CARMIL1: variants seen among roughly 807,000 people sequenced by gnomAD.
The protein encoded by CARMIL1 is F-actin-uncapping protein LRRC16A.
A neutral mutation model predicts 177.1 loss-of-function variants in CARMIL1; 90 were observed. The ratio of observed to expected loss-of-function variants is 0.51; its 90% CI spans 0.43 to 0.61. CARMIL1 has a LOEUF of 0.61. Among genes scored for constraint, CARMIL1 ranks in the 20% least tolerant of loss-of-function variants. The pLI is 0.00. For synonymous variants in CARMIL1, 577 were observed against 606.2 expected (o/e 0.95, Z 0.71); for missense variants, 1,380 against 1,667.0 (o/e 0.83, Z 3.00).
chr6:25,455,707 C>T (rs887112741), intron 8 of CARMIL1, among the ~76,000 whole-genome samples: 11 of 152,292 alleles, frequency 7.2e-5, no homozygotes, highest in African/African-American at 2.6e-4. Flanking sequence ...TTAGTTTACT[C>T]ATCCAGGTCA....
intron 29 of CARMIL1, among the ~76,000 whole-genome samples, chr6:25,557,122 A>C (rs1810694275): frequency 6.6e-6 from 1 of 152,192 alleles, no homozygotes; most frequent in African/African-American, 2.4e-5. Context: ...TTGTGACAGG[A>C]AAATATCTTC....
At chr6:25,443,414 G>A (rs1797944593) in intron 5 of CARMIL1, among the ~76,000 whole-genome samples, 1 of 152,050 alleles carries the variant, frequency 6.6e-6, no homozygotes, top group Non-Finnish European at 1.5e-5. Flanking sequence ...GGTTCCTTTG[G>A]GTAAAATAGA....
In CARMIL1 at chr6:25,493,607, C is replaced by T. The variant is rs77415835; in HGVS notation, c.1221-1504C>T. ...TATAGCAGAGAAAAAGAGATCATGG[C>T]GGTGCACATACTGGCTCCCAAGGCT... On this transcript the variant is annotated intron_variant, in intron 15 of 36. Transcript: ENST00000329474. 4.9e-3 allele frequency among the ~76,000 whole-genome samples: 752 copies of T among 152,224 alleles called. 5 individuals are homozygous for T. The highest frequency in any genetic ancestry group is 0.015 in the African/African-American group (619 of 41,534).
rs150708073 is a variant in CARMIL1, at chr6:25,547,477, A to T, written c.2329-3433A>T. ...AAAAACAGATCCAATAAATAGACCCATACATATATTCAAATGTTAGAAATG... is the reference window on the plus strand; with the variant it reads ...AAAAACAGATCCAATAAATAGACCCTTACATATATTCAAATGTTAGAAATG... On this transcript the variant is annotated intron_variant, in intron 26 of 36. Transcript: ENST00000329474. 4.9e-3 allele frequency among the ~76,000 whole-genome samples: 743 copies of T among 152,328 alleles called. 3 individuals are homozygous for T. Among genetic ancestry groups the T allele is most frequent in the African/African-American group, 0.015 (636 of 41,576 alleles).
rs558927341 is a variant in CARMIL1 at position 25,369,595 on chromosome 6, T to A, written c.139-50519T>A. Among the ~76,000 whole-genome samples, 7 of 152,166 alleles carry A rather than the reference T, an allele frequency of 4.6e-5. No homozygotes were observed. In the South Asian group the frequency reaches 8.3e-4, roughly 18 times the overall value. On this transcript the variant is annotated intron_variant, in intron 2 of 36. Transcript: ENST00000329474. The stretch of plus-strand genomic sequence containing the variant: ...CTTGCTATGTATCGAGGTGGCAAAT[T>A]CCCAAGTAAACTGCTGACTTTCCTC...
At chr6:25,457,090 C>T (rs374956100) in intron 8 of CARMIL1, among the ~76,000 whole-genome samples, 12 of 151,650 alleles carry the variant, frequency 7.9e-5, no homozygotes, top group African/African-American at 2.7e-4. Context: ...CTGAATTTCT[C>T]GAAATAGTTC....
chr6:25,457,727 G>A (rs999591017), intron 8 of CARMIL1, among the ~76,000 whole-genome samples: 1 of 152,322 alleles, frequency 6.6e-6, no homozygotes, highest in South Asian at 2.1e-4. Context: ...TGGCAGGGCT[G>A]TGCATTCTTG....
chr6:25,486,504 G>A lies in CARMIL1; in HGVS notation c.962-1978G>A, dbSNP rs143825137. On this transcript the variant is annotated intron_variant, in intron 12 of 36. Coordinates refer to ENST00000329474, the MANE Select transcript of CARMIL1 (RefSeq NM_017640.6). The stretch of plus-strand genomic sequence containing the variant: ...AAATGATTTTACAAATGATTTTCTT[G>A]ATGAGAATCTGGTATTGGCCCTATG... Among the ~76,000 whole-genome samples the A allele has an allele frequency of 2.9e-3, 435 of 152,268 alleles. 3 individuals are homozygous for A. The highest frequency in any genetic ancestry group is 0.017 in the Middle Eastern group (5 of 294).
At chr6:25,490,729 A>G (rs1389283187) in intron 13 of CARMIL1, among the ~76,000 whole-genome samples, 1 of 130,326 alleles carries the variant, frequency 7.7e-6, no homozygotes, top group African/African-American at 3.2e-5. Context: ...AAATAAATAA[A>G]TAAATAAATA....
chr6:25,547,475 C>T (rs1447474388), intron 26 of CARMIL1, among the ~76,000 whole-genome samples: 4 of 151,990 alleles, frequency 2.6e-5, no homozygotes, highest in Admixed American at 6.6e-5. Flanking sequence ...ATAAATAGAC[C>T]CATACATATA....
chr6:25,348,107 G>T lies in CARMIL1; in HGVS notation c.138+63198G>T, dbSNP rs183034820. The stretch of plus-strand genomic sequence containing the variant: ...CTACTGCAGATTTCTAGTTACAAAA[G>T]ATCATCAAACTTCTATACAAACACT... On this transcript the variant is annotated intron_variant, in intron 2 of 36. Transcript: ENST00000329474. Among the ~76,000 whole-genome samples the T allele has an allele frequency of 2.6e-3, 390 of 152,230 alleles. 2 individuals are homozygous for T. Among genetic ancestry groups the T allele is most frequent in the African/African-American group, 8.1e-3 (338 of 41,568 alleles).
chr6:25,531,430 G>GTGT (rs1341437617), intron 24 of CARMIL1, among the ~76,000 whole-genome samples: 1 of 152,182 alleles, frequency 6.6e-6, no homozygotes, highest in African/African-American at 2.4e-5. Flanking sequence ...ATGTAAAAGG[G>GTGT]TGTTCATCAC....
At chr6:25,337,444 T>C (rs1983580) in intron 2 of CARMIL1, among the ~76,000 whole-genome samples, 65,577 of 152,062 alleles carry the variant, frequency 0.43, 14,359 homozygotes, top group African/African-American at 0.51. Context: ...CTCTATATAA[T>C]ATAAGGATGT....
chr6:25,329,609 A>G (rs758561638), intron 2 of CARMIL1, among the ~76,000 whole-genome samples: 19 of 152,242 alleles, frequency 1.2e-4, no homozygotes, highest in South Asian at 2.1e-4. Context: ...AGACCAGGAT[A>G]TGGCTGAGAG....
intron 8 of CARMIL1, among the ~76,000 whole-genome samples, chr6:25,461,815 C>T (rs150044035): frequency 6.6e-6 from 1 of 152,100 alleles, no homozygotes; most frequent in African/African-American, 2.4e-5. Flanking sequence ...GTTCCAGTTG[C>T]TCTGGGTCCT....
chr6:25,518,141 G>C (rs903645772), intron 22 of CARMIL1, among the ~76,000 whole-genome samples: 2 of 152,164 alleles, frequency 1.3e-5, no homozygotes, highest in African/African-American at 2.4e-5. Flanking sequence ...GTTTCCCTGG[G>C]AAAGGGGAGG....
At position 25,558,883 on chromosome 6, in the gene CARMIL1, T is replaced by C. The variant is rs1205185889; in HGVS notation, c.2742+2033T>C. On this transcript the variant is annotated intron_variant, in intron 29 of 36. Coordinates refer to ENST00000329474, the MANE Select transcript of CARMIL1 (RefSeq NM_017640.6). This position sits in a 1 kb window ranked among gnomAD's most constrained non-coding sequence, Gnocchi z 4.1. ...ATATAGGTAGGCATGAGTTTTTAAGTCATGAAAGCAGCTTTTGTTCTAATA... is the reference window on the plus strand; with the variant it reads ...ATATAGGTAGGCATGAGTTTTTAAGCCATGAAAGCAGCTTTTGTTCTAATA... Among the ~76,000 whole-genome samples, 3 of 152,148 alleles carry C rather than the reference T, an allele frequency of 2.0e-5. No individual in the cohort carries two copies. The highest frequency in any genetic ancestry group is 6.5e-5 in the Admixed American group (1 of 15,272).
chr6:25,604,769 A>G (rs768236078), intron 33 of CARMIL1, 43 bp from the exon 34 acceptor site: 1 of 1,446,490 alleles, frequency 6.9e-7, no homozygotes. Context: ...TTTGCATTAA[A>G]TAAATGTGCA....
intron 12 of CARMIL1, among the ~76,000 whole-genome samples, chr6:25,483,763 A>T (rs1323224853): frequency 1.3e-5 from 2 of 151,338 alleles, no homozygotes; most frequent in Non-Finnish European, 2.9e-5. Flanking sequence ...TGGATTTTTA[A>T]ATTTTATTTA....
Sources: allele counts gnomAD v4.1 joint callset (sites outside exome capture counted in the v4.1 genomes callset), GRCh38; gene constraint gnomAD v4.1.1; non-coding constraint Gnocchi (gnomAD v3.1); transcripts MANE v1.5; gene names NCBI Gene and HGNC (gene_info 2026-07-23, HGNC 2026-07-21).